Variants in SNX25 observed in about 807,000 individuals in gnomAD.
The protein encoded by SNX25 is sorting nexin-25.
Under a neutral mutation model 113.7 loss-of-function variants are expected in SNX25, and 62 were observed. That is an observed-to-expected ratio of 0.55 (90% CI 0.44 to 0.67). The LOEUF is 0.67. Among genes scored for constraint, SNX25 ranks in the 30% least tolerant of loss-of-function variants. The probability of loss-of-function intolerance (pLI) is 0.00; values close to 1 mark genes in which losing one functional copy is unlikely to be tolerated. For missense variants in SNX25, 1,014 were observed against 1,161.0 expected (o/e 0.87, Z 1.84); for synonymous variants, 421 against 436.2 (o/e 0.97, Z 0.43).
intron 11 of SNX25, 102 bp from the exon 12 acceptor site, chr4:185,341,874 A>G: frequency 4.0e-6 from 5 of 1,257,992 alleles, no homozygotes; most frequent in Non-Finnish European, 5.4e-6. Context: ...TGCAAGGTAC[A>G]TCACGGGGAG....
intron 1 of SNX25, among the ~76,000 whole-genome samples, chr4:185,217,384 T>A (rs3108290): frequency 0.38 from 57,522 of 152,134 alleles, 13,214 homozygotes; most frequent in East Asian, 0.58. Flanking sequence ...ATTCTCATTA[T>A]TTATCATTAC....
chr4:185,310,740 G>A lies in SNX25; in HGVS notation c.1268G>A (p.Arg423Gln), dbSNP rs749598570. The A allele has an allele frequency of 1.1e-5, 18 of 1,614,008 alleles. No homozygotes were observed. The highest frequency in any genetic ancestry group is 4.5e-5 in the East Asian group (2 of 44,884). The change falls in exon 7 of 19, where the codon CGA becomes CAA. Residue 423 changes from arginine (R) to glutamine (Q), a missense_variant. Arg to Gln is a conservative substitution (Grantham distance 43). Transcript: ENST00000652585. ...AAGAAGCAGTGTGAGAAGAGAATCC[G>A]AATCCTGGGAGGCCCTGCCTATGAC... ...VAKKQCEKRI[R>Q]ILGGPAYDQQ...
chr4:185,316,128 A>C (rs2095072321), intron 7 of SNX25, among the ~76,000 whole-genome samples: 1 of 152,198 alleles, frequency 6.6e-6, no homozygotes, highest in African/African-American at 2.4e-5. Flanking sequence ...AATCACTGCT[A>C]ATCCTTTTAT....
At chr4:185,270,525 A>G (rs1205546670) in intron 5 of SNX25, among the ~76,000 whole-genome samples, 1 of 152,228 alleles carries the variant, frequency 6.6e-6, no homozygotes, top group Admixed American at 6.5e-5. Context: ...CCTTTTGAAA[A>G]TGAGATATAA....
rs1737689465 is a variant in SNX25, at chr4:185,210,960, C to G, written c.429+705C>G. Reference sequence around the variant, plus strand: ...AATGAGCGCTTCTCTTCTTCAGTGCCAAACCCACTGCCCCATCTTTCTTCC... The same window carrying G: ...AATGAGCGCTTCTCTTCTTCAGTGCGAAACCCACTGCCCCATCTTTCTTCC... On this transcript the variant is annotated intron_variant, in intron 1 of 18. Coordinates refer to ENST00000652585, the MANE Select transcript of SNX25 (RefSeq NM_001378034.2). The surrounding 1 kb of genome is among the most constrained non-coding windows in gnomAD (Gnocchi z 4.4). 6.6e-6 allele frequency among the ~76,000 whole-genome samples: 1 copy of G among 152,110 alleles called. No homozygotes were observed. The highest frequency in any genetic ancestry group is 6.5e-5 in the Admixed American group (1 of 15,280).
At chr4:185,262,694 G>A (rs920075872) in intron 3 of SNX25, among the ~76,000 whole-genome samples, 2 of 152,218 alleles carry the variant, frequency 1.3e-5, no homozygotes, top group Admixed American at 1.3e-4. Context: ...GTAGGTGGGA[G>A]GATTAAGTCA....
At chr4:185,266,278 G>T (rs3112863) in intron 4 of SNX25, among the ~76,000 whole-genome samples, 62,375 of 151,960 alleles carry the variant, frequency 0.41, 13,004 homozygotes, top group East Asian at 0.56. Flanking sequence ...TCATCCTTTG[G>T]CAGACTAAGC....
At chr4:185,237,542 T>G (rs185809753) in intron 1 of SNX25, among the ~76,000 whole-genome samples, 15 of 152,230 alleles carry the variant, frequency 9.9e-5, no homozygotes, top group Non-Finnish European at 2.9e-5. Flanking sequence ...CACTTTGGAT[T>G]TGTTGGAAGT....
At chr4:185,369,075 T>C (rs2095404650) in intron 11 of SNX25, among the ~76,000 whole-genome samples, 1 of 152,128 alleles carries the variant, frequency 6.6e-6, no homozygotes, top group Non-Finnish European at 1.5e-5. Context: ...ATTACAGGCA[T>C]GAGCCACGGT....
At chr4:185,290,711 A>AT (rs1752044674) in intron 6 of SNX25, among the ~76,000 whole-genome samples, 1 of 152,208 alleles carries the variant, frequency 6.6e-6, no homozygotes, top group Non-Finnish European at 1.5e-5. Flanking sequence ...TTGAATTTTA[A>AT]TTATAACTGA....
At chr4:185,327,978 T>C (rs2095168509) in intron 9 of SNX25, among the ~76,000 whole-genome samples, 1 of 152,226 alleles carries the variant, frequency 6.6e-6, no homozygotes, top group Non-Finnish European at 1.5e-5. Flanking sequence ...ACATTTCTGA[T>C]CTTACTGTAC....
chr4:185,318,609 A>G lies in SNX25; in HGVS notation c.1345-2124A>G, dbSNP rs77612376. ...ATAACATTATTTGTAGATCCCTCCA[A>G]TAGATAAAAATAAGATGGAAAACAA... is the stretch of plus-strand genomic sequence containing the variant. On this transcript the variant is annotated intron_variant, in intron 7 of 18. Transcript: ENST00000652585. 2.7e-3 allele frequency among the ~76,000 whole-genome samples: 405 copies of G among 152,350 alleles called. 8 individuals carry two copies. In the East Asian group the frequency reaches 0.061, roughly 23 times the overall value.
At chr4:185,294,714 G>A (rs1752617269) in intron 6 of SNX25, among the ~76,000 whole-genome samples, 1 of 152,142 alleles carries the variant, frequency 6.6e-6, no homozygotes, top group Admixed American at 6.6e-5. Flanking sequence ...TTAACAATCT[G>A]AAGTGACTTC....
intron 6 of SNX25, among the ~76,000 whole-genome samples, chr4:185,306,887 A>G (rs369446937): frequency 1.3e-5 from 2 of 152,142 alleles, no homozygotes; most frequent in Non-Finnish European, 2.9e-5. Flanking sequence ...CTGAAATACT[A>G]TTTTTTTCCT....
chr4:185,208,520 G>A (rs1262310453), upstream of SNX25, among the ~76,000 whole-genome samples: 1 of 151,798 alleles, frequency 6.6e-6, no homozygotes, highest in African/African-American at 2.4e-5. Flanking sequence ...ACGAGGTCAG[G>A]AGATTGAGAC....
intron 9 of SNX25, among the ~76,000 whole-genome samples, chr4:185,327,774 G>A (rs1404753114): frequency 1.3e-5 from 2 of 152,172 alleles, no homozygotes; most frequent in African/African-American, 4.8e-5. Context: ...TCAAGATGTA[G>A]TTAACTTTAT....
intron 1 of SNX25, among the ~76,000 whole-genome samples, chr4:185,222,406 C>T (rs1740102204): frequency 6.6e-6 from 1 of 151,202 alleles, no homozygotes; most frequent in South Asian, 2.1e-4. Flanking sequence ...GCGCCCTATA[C>T]CCCTCCCTCT....
At chr4:185,294,141 C>T (rs1284464332) in intron 6 of SNX25, among the ~76,000 whole-genome samples, 4 of 152,126 alleles carry the variant, frequency 2.6e-5, no homozygotes, top group African/African-American at 9.7e-5. Flanking sequence ...GAACAGCTGT[C>T]AGTTAGTGTA....
At chr4:185,277,256 C>G (rs1198461909) in intron 5 of SNX25, among the ~76,000 whole-genome samples, 2 of 152,170 alleles carry the variant, frequency 1.3e-5, no homozygotes, top group Admixed American at 1.3e-4. Context: ...AAGTCCTGAC[C>G]TTGTAACCCA....
Sources: allele counts gnomAD v4.1 joint callset (sites outside exome capture counted in the v4.1 genomes callset), GRCh38; gene constraint gnomAD v4.1.1; non-coding constraint Gnocchi (gnomAD v3.1); transcripts MANE v1.5; gene names NCBI Gene and HGNC (gene_info 2026-07-23, HGNC 2026-07-21).